KIAA1549L: variants seen among roughly 807,000 people sequenced by gnomAD.
KIAA1549L encodes the protein UPF0606 protein KIAA1549L.
Under a neutral mutation model 160.7 loss-of-function variants are expected in KIAA1549L, and 88 were observed. The observed-to-expected ratio is 0.55, with a 90% confidence interval of 0.46 to 0.65. The LOEUF (loss-of-function observed/expected upper bound fraction) is 0.65. Among genes scored for constraint, KIAA1549L ranks in the 30% least tolerant of loss-of-function variants. KIAA1549L has a pLI of 0.00. For synonymous variants in KIAA1549L, 950 were observed against 976.7 expected (o/e 0.97, Z 0.51); for missense variants, 2,258 against 2,437.5 (o/e 0.93, Z 1.55).
At chr11:33,666,347 G>A (rs986972691) in intron 20 of KIAA1549L, among the ~76,000 whole-genome samples, 1 of 152,202 alleles carries the variant, frequency 6.6e-6, no homozygotes, top group African/African-American at 2.4e-5. Flanking sequence ...AGCAGCCTCT[G>A]CCATCAGTAC....
At chr11:33,394,512 G>A (rs1364784632) in intron 1 of KIAA1549L, among the ~76,000 whole-genome samples, 1 of 152,106 alleles carries the variant, frequency 6.6e-6, no homozygotes, top group East Asian at 1.9e-4. Context: ...GGATTTCTAG[G>A]TTCCCTTGAA....
intron 15 of KIAA1549L, among the ~76,000 whole-genome samples, chr11:33,614,650 G>C (rs1275990088): frequency 8.9e-6 from 1 of 111,798 alleles, no homozygotes; most frequent in African/African-American, 3.4e-5. Flanking sequence ...GTCTCCCTCT[G>C]TTGCCAGGCT....
chr11:33,415,288 A>AG (rs1204330736), intron 1 of KIAA1549L, among the ~76,000 whole-genome samples: 1 of 152,212 alleles, frequency 6.6e-6, no homozygotes, highest in Non-Finnish European at 1.5e-5. Flanking sequence ...GGATTGCATA[A>AG]GGTGCAACTG....
At chr11:33,398,987 C>G (rs1319181436) in intron 1 of KIAA1549L, among the ~76,000 whole-genome samples, 1 of 147,772 alleles carries the variant, frequency 6.8e-6, no homozygotes, top group East Asian at 2.0e-4. Flanking sequence ...GAGTCTTGCT[C>G]TGTCACCCAG....
chr11:33,621,368 A>G (rs549936384), intron 16 of KIAA1549L, among the ~76,000 whole-genome samples: 19 of 152,284 alleles, frequency 1.2e-4, no homozygotes, highest in African/African-American at 4.1e-4. Context: ...CAGCTAAGGG[A>G]TGTAGTACAC....
rs145642413 is a variant in KIAA1549L at position 33,506,428 on chromosome 11, T to C, written c.239-35374T>C. On this transcript the variant is annotated intron_variant, in intron 1 of 20. Transcript: ENST00000658780. Reference sequence around the variant, plus strand: ...CACCATTTCTGCTATATCCAAACTATAAAAACGCCCAGGTGGGCCAGGTGC... The same window carrying C: ...CACCATTTCTGCTATATCCAAACTACAAAAACGCCCAGGTGGGCCAGGTGC... 2.4e-3 allele frequency among the ~76,000 whole-genome samples: 362 copies of C among 152,044 alleles called. 5 individuals carry two copies. The South Asian group carries it at 0.04, about 17-fold the overall frequency.
intron 1 of KIAA1549L, among the ~76,000 whole-genome samples, chr11:33,509,559 G>C (rs2133103159): frequency 6.6e-6 from 1 of 152,320 alleles, no homozygotes; most frequent in East Asian, 1.9e-4. Context: ...GTATAAAAAG[G>C]TCAGAAGGAG....
chr11:33,565,787 A>G (rs1355938120), intron 8 of KIAA1549L, among the ~76,000 whole-genome samples: 1 of 147,864 alleles, frequency 6.8e-6, no homozygotes, highest in Non-Finnish European at 1.5e-5. Context: ...GGAGGCTGAG[A>G]TGGGAGGATT....
chr11:33,576,190 C>T (rs1855441714), intron 10 of KIAA1549L, among the ~76,000 whole-genome samples: 1 of 152,164 alleles, frequency 6.6e-6, no homozygotes, highest in Non-Finnish European at 1.5e-5. Flanking sequence ...TTTCCTAGCT[C>T]ATGTCCGTGT....
intron 19 of KIAA1549L, among the ~76,000 whole-genome samples, chr11:33,659,429 GTTCA>G (rs1244773581): frequency 6.6e-6 from 1 of 152,134 alleles, no homozygotes; most frequent in Non-Finnish European, 1.5e-5. Context: ...TATAGATCTA[GTTCA>G]TTCATTTAAA....
Position 33,609,899 on chromosome 11 carries a change from A to C in KIAA1549L, c.5212A>C (p.Lys1738Gln), listed in dbSNP as rs1850605471. The change falls in exon 15 of 21, where the codon AAG (lysine) becomes CAG (glutamine). Residue 1738 changes from lysine to glutamine, a missense_variant. Physicochemically the swap from Lys to Gln is moderately conservative, Grantham distance 53 (BLOSUM62 1). Coordinates refer to ENST00000658780, the MANE Select transcript of KIAA1549L (RefSeq NM_012194.3). ...AAAGAAGATGTATGAAAAAGCCCCG[A>C]AGGAAATGGAGCATGTTTTGGATCC... ...ERKKMYEKAP[K>Q]EMEHVLDPDS... is the part of the protein sequence containing the mutation. 6.2e-7 allele frequency: 1 copy of C among 1,613,904 alleles called. No individual in the cohort carries two copies. The highest frequency in any genetic ancestry group is 1.1e-5 in the South Asian group (1 of 91,092).
intron 6 of KIAA1549L, among the ~76,000 whole-genome samples, chr11:33,555,605 G>A (rs1182168264): frequency 6.6e-6 from 1 of 152,210 alleles, no homozygotes; most frequent in African/African-American, 2.4e-5. Flanking sequence ...ATATTCACAT[G>A]TGATCCCAAA....
chr11:33,428,351 C>T (rs1177803398), intron 1 of KIAA1549L, among the ~76,000 whole-genome samples: 4 of 134,902 alleles, frequency 3.0e-5, no homozygotes, highest in East Asian at 2.0e-4. Context: ...ATGTGCACAA[C>T]GTGCAGGTTT....
chr11:33,406,376 G>A (rs1850652285), intron 1 of KIAA1549L, among the ~76,000 whole-genome samples: 1 of 152,194 alleles, frequency 6.6e-6, no homozygotes, highest in Non-Finnish European at 1.5e-5. Context: ...TGCTTCACAC[G>A]TGCACGGGCC....
intron 19 of KIAA1549L, 91 bp downstream of exon 19, chr11:33,658,989 T>A: frequency 7.6e-7 from 1 of 1,316,200 alleles, no homozygotes; most frequent in Non-Finnish European, 1.0e-6. Flanking sequence ...CCTTTCTACC[T>A]ACCACCCTCA....
At chr11:33,573,994 T>A (rs1286294380) in intron 9 of KIAA1549L, among the ~76,000 whole-genome samples, 1 of 152,124 alleles carries the variant, frequency 6.6e-6, no homozygotes, top group Non-Finnish European at 1.5e-5. Flanking sequence ...AAGTAAAAAT[T>A]GCAAAATATT....
chr11:33,564,467 C>T (rs1854980898), intron 8 of KIAA1549L, among the ~76,000 whole-genome samples: 1 of 152,228 alleles, frequency 6.6e-6, no homozygotes, highest in Admixed American at 6.5e-5. Context: ...TGGGTCCCTT[C>T]TTGATGGAAA....
intron 1 of KIAA1549L, among the ~76,000 whole-genome samples, chr11:33,500,253 G>A (rs573362441): frequency 2.0e-4 from 30 of 152,272 alleles, no homozygotes; most frequent in African/African-American, 6.3e-4. Context: ...TTTCAAGATC[G>A]AGTCAGGATT....
chr11:33,603,938 T>C (rs1414931244), intron 13 of KIAA1549L, among the ~76,000 whole-genome samples: 1 of 152,186 alleles, frequency 6.6e-6, no homozygotes, highest in East Asian at 1.9e-4. Flanking sequence ...CTTGGTTTTA[T>C]TCTGACAGAG....
Sources: gnomAD v4.1 joint callset for allele counts (sites outside exome capture counted in the v4.1 genomes callset) on GRCh38, gnomAD v4.1.1 for gene constraint, MANE v1.5 for transcripts, NCBI Gene and HGNC (gene_info 2026-07-23, HGNC 2026-07-21) for gene names.